The following ST18 variants were observed in gnomAD, a reference collection of about 807,000 sequenced individuals.
ST18 encodes ST18 C2H2C-type zinc finger transcription factor, also known as suppression of tumorigenicity 18 protein.
A neutral mutation model predicts 110.0 loss-of-function variants in ST18; 50 were observed. The ratio of observed to expected loss-of-function variants is 0.45; its 90% CI spans 0.36 to 0.58. ST18 has a LOEUF of 0.58. Among genes scored for constraint, ST18 ranks in the 20% least tolerant of loss-of-function variants. The pLI, the probability that ST18 is intolerant of heterozygous loss-of-function variation, is 0.00. For missense variants in ST18, 1,306 were observed against 1,280.1 expected (o/e 1.02, Z -0.31); for synonymous variants, 461 against 452.4 (o/e 1.02, Z -0.24).
chr8:52,212,202 A>G lies in ST18; in HGVS notation c.56-93T>C, dbSNP rs1382817322. 3.2e-6 allele frequency: 4 copies of G among 1,232,810 alleles called. No individual in the cohort carries two copies. In the African/African-American group the frequency reaches 4.6e-5, roughly 14 times the overall value. The allele number at this position is 1,232,810 out of a possible 1,614,324, so 76.4% of individuals were successfully genotyped here. A position where few individuals can be genotyped will look rare whatever the true frequency, so the allele number is the denominator to read the frequency against. On this transcript the variant is annotated intron_variant, in intron 7 of 25. Coordinates refer to ENST00000689386, the MANE Select transcript of ST18 (RefSeq NM_001352837.2). Reference sequence around the variant, plus strand: ...ACTTTTCCCCCACCTAGAGGTAACGACCAATAAGTTTCTCACTGGGTGGGT... The same window carrying G: ...ACTTTTCCCCCACCTAGAGGTAACGGCCAATAAGTTTCTCACTGGGTGGGT...
intron 2 of ST18, among the ~76,000 whole-genome samples, chr8:52,237,914 A>G (rs1044871749): frequency 7.9e-5 from 12 of 152,354 alleles, no homozygotes; most frequent in African/African-American, 2.6e-4. Flanking sequence ...ACTTGAATAC[A>G]CATTTCTACA....
intron 17 of ST18, among the ~76,000 whole-genome samples, chr8:52,140,974 C>CTTCTAAGAAGT: frequency 1.3e-5 from 2 of 152,178 alleles, no homozygotes; most frequent in Non-Finnish European, 1.5e-5. Context: ...GCCTAAGTGG[C>CTTCTAAGAAGT]TTCTAAGAAG....
intron 2 of ST18, among the ~76,000 whole-genome samples, chr8:52,252,993 G>A (rs1181321255): frequency 2.0e-5 from 3 of 151,260 alleles, no homozygotes; most frequent in Non-Finnish European, 3.0e-5. Flanking sequence ...CTAACATAAC[G>A]ATAGTGCACA....
chr8:52,190,586 T>C (rs1349844262), intron 8 of ST18, among the ~76,000 whole-genome samples: 1 of 152,166 alleles, frequency 6.6e-6, no homozygotes, highest in Non-Finnish European at 1.5e-5. Context: ...CCTGACATGG[T>C]AAATGTGTTC....
chr8:52,111,753 G>A lies in ST18; in HGVS notation c.*1445C>T, dbSNP rs1465549014. On this transcript the variant is annotated 3_prime_UTR_variant, in exon 26 of 26. Coordinates refer to ENST00000689386, the MANE Select transcript of ST18 (RefSeq NM_001352837.2). ...AGGCACGTCTGCACATGAAATGTGT[G>A]TGCACACCAAAAAGGCAGTTTAGCT... 6.6e-6 allele frequency: 1 copy of A among 152,562 alleles called. No homozygotes were observed. The highest frequency in any genetic ancestry group is 1.5e-5 in the Non-Finnish European group (1 of 68,028). 9.5% of individuals were successfully genotyped at this position (152,562 alleles called of 1,614,324 possible). A position where few individuals can be genotyped will look rare whatever the true frequency, so the allele number is the denominator to read the frequency against.
At chr8:52,263,948 G>A (rs887453883) in intron 2 of ST18, among the ~76,000 whole-genome samples, 2 of 151,850 alleles carry the variant, frequency 1.3e-5, no homozygotes, top group Admixed American at 1.3e-4. Flanking sequence ...ACATGCGTGT[G>A]CCACCTCGCC....
chr8:52,241,771 T>C (rs1450924535), intron 2 of ST18, among the ~76,000 whole-genome samples: 1 of 152,194 alleles, frequency 6.6e-6, no homozygotes, highest in Non-Finnish European at 1.5e-5. Flanking sequence ...AAATACAAAA[T>C]CATTTTAAAT....
chr8:52,271,850 A>G (rs533943350), intron 2 of ST18, among the ~76,000 whole-genome samples: 2 of 152,354 alleles, frequency 1.3e-5, no homozygotes, highest in African/African-American at 2.4e-5. Context: ...AGTAACTTCA[A>G]AATAAAGTTT....
intron 2 of ST18, among the ~76,000 whole-genome samples, chr8:52,303,495 AG>A (rs2095762617): frequency 6.6e-6 from 1 of 152,238 alleles, no homozygotes; most frequent in East Asian, 1.9e-4. Flanking sequence ...CACAGGTATC[AG>A]GGTTAAGACT....
intron 2 of ST18, among the ~76,000 whole-genome samples, chr8:52,359,624 A>G (rs1310938705): frequency 1.3e-5 from 2 of 152,170 alleles, no homozygotes; most frequent in Non-Finnish European, 2.9e-5. Flanking sequence ...AAAGCAGCAC[A>G]GAGAGATAAA....
At chr8:52,379,346 C>G (rs2140806318) in intron 2 of ST18, among the ~76,000 whole-genome samples, 1 of 150,308 alleles carries the variant, frequency 6.7e-6, no homozygotes, top group East Asian at 1.9e-4. Flanking sequence ...GAACCACCTG[C>G]CTTGGCCTCC....
rs148759544 is a variant in ST18, at chr8:52,301,173, C to T, written c.-464-71096G>A. On this transcript the variant is annotated intron_variant, in intron 2 of 25. Transcript: ENST00000689386. ...ATGGCCATATATGTTAATGCTATTA[C>T]GAGCAGGTTTCTTCAAATCAAATAA... is the stretch of plus-strand genomic sequence containing the variant. 6.1e-3 allele frequency among the ~76,000 whole-genome samples: 925 copies of T among 152,184 alleles called. 5 individuals carry two copies. The highest frequency in any genetic ancestry group is 0.021 in the African/African-American group (869 of 41,530).
intron 22 of ST18, among the ~76,000 whole-genome samples, chr8:52,129,001 A>T (rs1329189011): frequency 6.6e-6 from 1 of 152,168 alleles, no homozygotes; most frequent in Non-Finnish European, 1.5e-5. Context: ...GATTCAAAAT[A>T]TGTAACATAT....
intron 2 of ST18, among the ~76,000 whole-genome samples, chr8:52,397,730 A>G (rs1841646268): frequency 6.6e-6 from 1 of 152,132 alleles, no homozygotes; most frequent in Non-Finnish European, 1.5e-5. Context: ...TGTCCTCTTT[A>G]TACCCTTGTC....
At chr8:52,185,667 T>C (rs1352153896) in intron 8 of ST18, among the ~76,000 whole-genome samples, 4 of 152,124 alleles carry the variant, frequency 2.6e-5, no homozygotes, top group Admixed American at 2.0e-4. Context: ...AAAGGCATCA[T>C]TGGGCAAAGG....
intron 2 of ST18, among the ~76,000 whole-genome samples, chr8:52,231,530 T>G (rs995351471): frequency 6.6e-6 from 1 of 151,194 alleles, no homozygotes; most frequent in African/African-American, 2.4e-5. Flanking sequence ...CAGGCTGGAG[T>G]GCAGTGGCAC....
chr8:52,256,465 C>T lies in ST18; in HGVS notation c.-464-26388G>A, dbSNP rs186670126. ...GCAGCCTCGACTTCCTGGACTCAAG[C>T]GATCCTCCTGCCTCAGTCTCCCAAA... On this transcript the variant is annotated intron_variant, in intron 2 of 25. Coordinates refer to ENST00000689386, the MANE Select transcript of ST18 (RefSeq NM_001352837.2). 1.1e-4 allele frequency among the ~76,000 whole-genome samples: 17 copies of T among 152,188 alleles called. 1 individual carries two copies. In the East Asian group the frequency reaches 2.9e-3, roughly 26 times the overall value.
At position 52,172,381 on chromosome 8, in the gene ST18, C is replaced by G. The variant is rs747532843; in HGVS notation, c.480G>C (p.Glu160Asp). The change falls in exon 10 of 26, where the codon GAG (glutamate) becomes GAC (aspartate). Residue 160 changes from glutamate (E) to aspartate (D), a missense_variant. By Grantham distance (45) the Glu-to-Asp change is conservative. Transcript: ENST00000689386. Reference protein sequence around the residue: ...NDSGIQSLKAESDEADECFLI... With the variant: ...NDSGIQSLKADSDEADECFLI... The stretch of plus-strand genomic sequence containing the variant: ...GAAAGCACTCGTCTGCTTCATCGCT[C>G]TCTGCTTTTAAAGACTGGATGCCAC... 23 of 1,613,960 alleles carry G rather than the reference C, an allele frequency of 1.4e-5. No individual in the cohort carries two copies. The East Asian group carries it at 4.9e-4, about 34-fold the overall frequency.
At position 52,138,067 on chromosome 8, in the gene ST18, T is replaced by A. The variant is rs117934556; in HGVS notation, c.2169-584A>T. On this transcript the variant is annotated intron_variant, in intron 17 of 25. Coordinates refer to ENST00000689386, the MANE Select transcript of ST18 (RefSeq NM_001352837.2). ...GTGAGCCGAGATTGCACCATTGCAC[T>A]GGGCAACAAGAGTAAAACTCTGTCT... Among the ~76,000 whole-genome samples, 349 of 130,900 alleles carry A rather than the reference T, an allele frequency of 2.7e-3. 7 individuals are homozygous for A. The highest frequency in any genetic ancestry group is 0.025 in the Admixed American group (281 of 11,338). 85.9% of individuals were successfully genotyped at this position (130,900 alleles called of 152,430 possible). A position where few individuals can be genotyped will look rare whatever the true frequency, so the allele number is the denominator to read the frequency against.
Sources: allele counts gnomAD v4.1 joint callset (sites outside exome capture counted in the v4.1 genomes callset), GRCh38; gene constraint gnomAD v4.1.1; transcripts MANE v1.5; gene names NCBI Gene and HGNC (gene_info 2026-07-23, HGNC 2026-07-21).